The following HSPBAP1 variants were observed in gnomAD, a reference collection of about 807,000 sequenced individuals.
The protein encoded by HSPBAP1 is HSPB1 associated protein 1.
A neutral mutation model predicts 45.2 loss-of-function variants in HSPBAP1; 27 were observed. The ratio of observed to expected loss-of-function variants is 0.60; its 90% CI spans 0.44 to 0.82. The LOEUF is 0.82. Among genes scored for constraint, HSPBAP1 ranks in the 40% least tolerant of loss-of-function variants. The probability of loss-of-function intolerance (pLI) is 0.00; values close to 1 mark genes in which losing one functional copy is unlikely to be tolerated. For missense variants in HSPBAP1, 510 were observed against 590.9 expected (o/e 0.86, Z 1.42); for synonymous variants, 204 against 202.7 (o/e 1.01, Z -0.06).
chr3:122,778,630 C>G (rs941708861), intron 1 of HSPBAP1, among the ~76,000 whole-genome samples: 22 of 151,520 alleles, frequency 1.5e-4, no homozygotes, highest in African/African-American at 5.1e-4. Context: ...CCCAGGTTCA[C>G]GCCGTTCTCC....
In HSPBAP1 at chr3:122,755,437, T is replaced by TA. The variant is rs56210865; in HGVS notation, c.570-7dup. 269,272 of 1,164,328 alleles carry TA rather than the reference T, an allele frequency of 0.23. 5,744 individuals are homozygous for TA. The highest frequency in any genetic ancestry group is 0.27 in the African/African-American group (15,913 of 58,066). 72.1% of individuals were successfully genotyped at this position (1,164,328 alleles called of 1,614,324 possible). On this transcript the variant is annotated splice_polypyrimidine_tract_variant and splice_region_variant and intron_variant, in intron 4 of 7. Transcript: ENST00000306103. The stretch of plus-strand genomic sequence containing the variant: ...GAAAGAGATGCCATCGTTTCCTAAT[T>TA]AAAAAAAAAAAAAAAAGATACAAGT...
chr3:122,791,463 C>G (rs1935828628), intron 1 of HSPBAP1, among the ~76,000 whole-genome samples: 1 of 152,252 alleles, frequency 6.6e-6, no homozygotes, highest in South Asian at 2.1e-4. Context: ...AACTATGTGC[C>G]TGGCATTGTA....
At chr3:122,750,263 G>T (rs1013467538) in intron 6 of HSPBAP1, among the ~76,000 whole-genome samples, 5 of 152,094 alleles carry the variant, frequency 3.3e-5, no homozygotes, top group African/African-American at 9.7e-5. Context: ...GTAAGCCACC[G>T]TGCCCGGCCT....
Position 122,740,364 on chromosome 3 carries a change from A to T in HSPBAP1, c.1448T>A (p.Ile483Lys). 1.9e-6 allele frequency: 3 copies of T among 1,604,482 alleles called. No individual in the cohort carries two copies. Among genetic ancestry groups the T allele is most frequent in the Non-Finnish European group, 2.6e-6 (3 of 1,172,328 alleles). The change falls in exon 8 of 8, where the codon ATA (isoleucine) becomes AAA (lysine). Residue 483 changes from isoleucine to lysine, a missense_variant. Coordinates refer to ENST00000306103, the MANE Select transcript of HSPBAP1 (RefSeq NM_024610.6). ...QVTRIVAQLL[I>K]QGRSL is the part of the protein sequence containing the mutation. Reference sequence around the variant, plus strand: ...CTTGAATCATAAACTTCTTCCTTGTATCAAAAGTTGTGCCACTATCCTGGT... The same window carrying T: ...CTTGAATCATAAACTTCTTCCTTGTTTCAAAAGTTGTGCCACTATCCTGGT...
chr3:122,755,025 A>T, intron 5 of HSPBAP1: 1 of 1,186,656 alleles, frequency 8.4e-7, no homozygotes, highest in Non-Finnish European at 1.0e-6. Flanking sequence ...TCTCCTCTTT[A>T]CCAATAGGAG....
intron 1 of HSPBAP1, among the ~76,000 whole-genome samples, chr3:122,790,893 A>G (rs1935806610): frequency 6.6e-6 from 1 of 152,206 alleles, no homozygotes; most frequent in Non-Finnish European, 1.5e-5. Context: ...ATTGTACTGA[A>G]CATACTGACC....
intron 4 of HSPBAP1, among the ~76,000 whole-genome samples, chr3:122,756,932 C>T (rs76900581): frequency 0.031 from 4,728 of 152,198 alleles, 119 homozygotes; most frequent in Non-Finnish European, 0.052. Flanking sequence ...GATCATCAGT[C>T]TAATTTCATT....
chr3:122,788,690 T>C lies in HSPBAP1; in HGVS notation c.64+4927A>G, dbSNP rs185897256. 1.4e-4 allele frequency among the ~76,000 whole-genome samples: 22 copies of C among 152,292 alleles called. No homozygotes were observed. The East Asian group carries it at 3.7e-3, about 25-fold the overall frequency. On this transcript the variant is annotated intron_variant, in intron 1 of 7. Coordinates refer to ENST00000306103, the MANE Select transcript of HSPBAP1 (RefSeq NM_024610.6). Reference sequence around the variant, plus strand: ...CAGTATGCTAACTGAAATAAGCCAGTCACAAGAAGATAAACACTATATGAT... The same window carrying C: ...CAGTATGCTAACTGAAATAAGCCAGCCACAAGAAGATAAACACTATATGAT...
At chr3:122,766,934 A>G (rs1355330369) in intron 3 of HSPBAP1, among the ~76,000 whole-genome samples, 1 of 152,240 alleles carries the variant, frequency 6.6e-6, no homozygotes, top group African/African-American at 2.4e-5. Flanking sequence ...CAATGTTACT[A>G]TTAAGCAATA....
chr3:122,789,926 G>C (rs372234207), intron 1 of HSPBAP1, among the ~76,000 whole-genome samples: 2 of 146,940 alleles, frequency 1.4e-5, no homozygotes, highest in Non-Finnish European at 3.0e-5. Context: ...GCCATAGCAC[G>C]ATCTCAACTC....
chr3:122,755,050 C>T (rs1934294107), intron 5 of HSPBAP1: 6 of 1,212,800 alleles, frequency 4.9e-6, no homozygotes, highest in Non-Finnish European at 6.2e-6. Context: ...TGTGTTCCCT[C>T]TTGCCATTTC....
Position 122,741,133 on chromosome 3 carries a change from T to C in HSPBAP1, c.826-20A>G. The C allele has an allele frequency of 6.5e-7, 1 of 1,540,878 alleles. No individual in the cohort carries two copies. Among genetic ancestry groups the C allele is most frequent in the Non-Finnish European group, 9.0e-7 (1 of 1,113,224 alleles). ...CTCTTCCTGAATTAAAAAAACACGC[T>C]TTTAACTTCTGTTAAGTCTCATGGC... On this transcript the variant is annotated intron_variant, in intron 6 of 7. Coordinates refer to ENST00000306103, the MANE Select transcript of HSPBAP1 (RefSeq NM_024610.6).
At chr3:122,756,185 A>T (rs1203291517) in intron 4 of HSPBAP1, among the ~76,000 whole-genome samples, 1 of 152,158 alleles carries the variant, frequency 6.6e-6, no homozygotes, top group Non-Finnish European at 1.5e-5. Flanking sequence ...GGCAAAGAGA[A>T]AAGAGGGAAA....
In HSPBAP1 at chr3:122,741,078, GATTGCCTCTTC is replaced by G; in HGVS notation, c.850_860del (p.Glu284HisfsTer25). 6.2e-7 allele frequency: 1 copy of G among 1,614,058 alleles called. No individual in the cohort carries two copies. The highest frequency in any genetic ancestry group is 8.5e-7 in the Non-Finnish European group (1 of 1,179,936). ...TCAGGGCACACACAAGCATACGGGT[GATTGCCTCTTC>G]TACCCGGGCTAGGTGATCCTCTTCC... On this transcript the variant is annotated frameshift_variant, in exon 7 of 8. Coordinates refer to ENST00000306103, the MANE Select transcript of HSPBAP1 (RefSeq NM_024610.6). LOFTEE classifies it high-confidence loss of function.
In HSPBAP1 at chr3:122,742,376, C is replaced by T. The variant is rs1933700144; in HGVS notation, c.826-1263G>A. The stretch of plus-strand genomic sequence containing the variant: ...ATCTCCATGATGAGATATGACTTCA[C>T]ACCAGGATAGTGCTAATAAAAAAAA... On this transcript the variant is annotated intron_variant, in intron 6 of 7. Transcript: ENST00000306103. 2.6e-5 allele frequency among the ~76,000 whole-genome samples: 4 copies of T among 152,160 alleles called. No individual in the cohort carries two copies. The South Asian group carries it at 8.3e-4, about 32-fold the overall frequency.
chr3:122,765,476 G>A (rs1004432290), intron 3 of HSPBAP1, among the ~76,000 whole-genome samples: 3 of 151,716 alleles, frequency 2.0e-5, no homozygotes, highest in African/African-American at 7.3e-5. Flanking sequence ...AGCTACTCAG[G>A]AGGCTGAGGC....
intron 2 of HSPBAP1, among the ~76,000 whole-genome samples, chr3:122,771,577 C>T (rs1935001456): frequency 6.6e-6 from 1 of 152,190 alleles, no homozygotes; most frequent in Non-Finnish European, 1.5e-5. Flanking sequence ...ATAAGAAATA[C>T]TACATGATGC....
chr3:122,793,706 G>C lies in HSPBAP1; in HGVS notation c.-26C>G. On this transcript the variant is annotated 5_prime_UTR_variant, in exon 1 of 8. Coordinates refer to ENST00000306103, the MANE Select transcript of HSPBAP1 (RefSeq NM_024610.6). ...GGCTACCGCAAGGCGGGTTCTGCCGGAACCCAAGGCGGAGCGGAGCTGGGG... is the reference window on the plus strand; with the variant it reads ...GGCTACCGCAAGGCGGGTTCTGCCGCAACCCAAGGCGGAGCGGAGCTGGGG... 1 of 1,612,082 alleles carries C rather than the reference G, an allele frequency of 6.2e-7. No homozygotes were observed. Among genetic ancestry groups the C allele is most frequent in the Non-Finnish European group, 8.5e-7 (1 of 1,178,706 alleles).
At chr3:122,786,167 T>C (rs547954389) in intron 1 of HSPBAP1, among the ~76,000 whole-genome samples, 1 of 152,256 alleles carries the variant, frequency 6.6e-6, no homozygotes, top group South Asian at 2.1e-4. Context: ...TATTAATTCA[T>C]AGCTGGTATA....
Sources: allele counts gnomAD v4.1 joint callset (sites outside exome capture counted in the v4.1 genomes callset), GRCh38; gene constraint gnomAD v4.1.1; transcripts MANE v1.5; gene names NCBI Gene and HGNC (gene_info 2026-07-23, HGNC 2026-07-21).